Variants in ZNF75D observed in about 807,000 individuals in gnomAD.
The protein encoded by ZNF75D is zinc finger protein 75.
A neutral mutation model predicts 33.3 loss-of-function variants in ZNF75D; 33 were observed. That is an observed-to-expected ratio of 0.99 (90% CI 0.75 to 1.32). ZNF75D has a LOEUF of 1.32. Among genes scored for constraint, ZNF75D ranks in the 40% most tolerant of loss-of-function variants. The pLI is 0.00. For missense variants in ZNF75D, 338 were observed against 367.5 expected, an observed-to-expected ratio of 0.92 and a Z score of 0.66; for synonymous variants, 113 against 130.6, an observed-to-expected ratio of 0.87 and a Z score of 0.92.
chrX:135,286,867 C>T lies in ZNF75D; in HGVS notation c.*270G>A. 1 of 278,343 alleles carries T rather than the reference C, an allele frequency of 3.6e-6. No homozygotes were observed. The highest frequency in any genetic ancestry group is 6.2e-6 in the Non-Finnish European group (1 of 161,805). The allele number at this position is 278,343 out of a possible 1,213,427, so 22.9% of individuals were successfully genotyped here. ...CTGGGGGTGGGGAAGCTTTGAATAA[C>T]CAGATATATACATATAGATAGATAG... On this transcript the variant is annotated 3_prime_UTR_variant, in exon 7 of 7. Coordinates refer to ENST00000370766, the MANE Select transcript of ZNF75D (RefSeq NM_007131.5).
chrX:135,337,725 G>A (rs1037629147), intron 1 of ZNF75D, among the ~76,000 whole-genome samples: 27 of 110,889 alleles, frequency 2.4e-4, no homozygotes, highest in African/African-American at 8.9e-4. Flanking sequence ...CCAAGCAGTC[G>A]TCAAATGCTT....
rs182989996 is a variant in ZNF75D at position 135,257,937 on chromosome X, T to A, written n.828-2160A>T. 5.0e-3 allele frequency among the ~76,000 whole-genome samples: 539 copies of A among 108,867 alleles called. 2 individuals carry two copies. The highest frequency in any genetic ancestry group is 9.5e-3 in the Middle Eastern group (2 of 210). 94.5% of individuals were successfully genotyped at this position (108,867 alleles called of 115,157 possible). A position where few individuals can be genotyped will look rare whatever the true frequency, so the allele number is the denominator to read the frequency against. On this transcript the variant is annotated intron_variant and non_coding_transcript_variant, in intron 1 of 3. Coordinates refer to the ZNF75D transcript ENST00000494295. ...TCAACTCATCATTCACATTAGGTAT[T>A]TCTCCTAACGCTATTCCTCCCGGAG...
chrX:135,312,364 T>A (rs1556428760), intron 1 of ZNF75D, among the ~76,000 whole-genome samples: 1 of 111,486 alleles, frequency 9.0e-6, no homozygotes, highest in East Asian at 2.8e-4. Context: ...CATGGGTGTA[T>A]ATACACTACA....
chrX:135,333,757 T>C (rs781814102), intron 1 of ZNF75D, among the ~76,000 whole-genome samples: 7 of 111,596 alleles, frequency 6.3e-5, no homozygotes, highest in Admixed American at 1.9e-4. Context: ...TATTGGTGGA[T>C]CTTTACCTGG....
chrX:135,282,838 A>T (rs200737592), downstream of ZNF75D, among the ~76,000 whole-genome samples: 1 of 80,688 alleles, frequency 1.2e-5, no homozygotes, highest in Non-Finnish European at 2.5e-5. Flanking sequence ...ACCAGTCCCA[A>T]TGAGATGAGC....
chrX:135,308,036 C>T (rs1334659348), intron 1 of ZNF75D, among the ~76,000 whole-genome samples: 1 of 112,314 alleles, frequency 8.9e-6, no homozygotes, highest in Non-Finnish European at 1.9e-5. Context: ...GCTGAATGTC[C>T]CATCCAGGAA....
intron 1 of ZNF75D, among the ~76,000 whole-genome samples, chrX:135,256,511 C>G (rs2083801005): frequency 8.9e-6 from 1 of 112,154 alleles, no homozygotes; most frequent in Non-Finnish European, 1.9e-5. Flanking sequence ...AGCCTCGCCA[C>G]TGTGGGCAAA....
rs782271270 is a variant in ZNF75D at position 135,343,787 on chromosome X, G to A, written c.-2410C>T. 5 of 111,739 alleles carry A rather than the reference G, an allele frequency of 4.5e-5. No homozygotes were observed. In the East Asian group the frequency reaches 1.4e-3, roughly 32 times the overall value. The allele number at this position is 111,739 out of a possible 1,213,427, so 9.2% of individuals were successfully genotyped here. On this transcript the variant is annotated 5_prime_UTR_variant, in exon 1 of 7. Coordinates refer to ENST00000370766, the MANE Select transcript of ZNF75D (RefSeq NM_007131.5). ...GAGATGATGGCTTCAGCAGGAGTCCGGCGTGCTCCGGTTTCAAGTTCCAGC... is the reference window on the plus strand; with the variant it reads ...GAGATGATGGCTTCAGCAGGAGTCCAGCGTGCTCCGGTTTCAAGTTCCAGC...
At chrX:135,299,491 A>G (rs1556423992) in intron 1 of ZNF75D, among the ~76,000 whole-genome samples, 1 of 111,766 alleles carries the variant, frequency 8.9e-6, no homozygotes, top group East Asian at 2.8e-4. Flanking sequence ...GTCTTTTATT[A>G]TTGAGTTGTA....
At chrX:135,311,526 T>A (rs1438437923) in intron 1 of ZNF75D, among the ~76,000 whole-genome samples, 2 of 112,587 alleles carry the variant, frequency 1.8e-5, no homozygotes, top group East Asian at 5.5e-4. Flanking sequence ...TTACATTATA[T>A]GCTTATCATT....
At chrX:135,329,925 T>C (rs1556439744) in intron 1 of ZNF75D, among the ~76,000 whole-genome samples, 1 of 112,165 alleles carries the variant, frequency 8.9e-6, no homozygotes, top group Non-Finnish European at 1.9e-5. Flanking sequence ...TCTGCCACCA[T>C]TTTAATCTGT....
At chrX:135,322,386 T>G (rs140931370) in intron 1 of ZNF75D, among the ~76,000 whole-genome samples, 2,397 of 112,194 alleles carry the variant, frequency 0.021, 22 homozygotes, top group Non-Finnish European at 0.023. Flanking sequence ...CTTTCAACCT[T>G]GACATCAAAG....
rs1468351757 is a variant in ZNF75D, at chrX:135,249,101, C to T, written n.1497G>A. 1.5e-5 allele frequency: 5 copies of T among 324,140 alleles called. 1 individual carries two copies. Among genetic ancestry groups the T allele is most frequent in the Non-Finnish European group, 3.0e-5 (5 of 166,784 alleles). The allele number at this position is 324,140 out of a possible 1,213,427, so 26.7% of individuals were successfully genotyped here. On this transcript the variant is annotated non_coding_transcript_exon_variant, in exon 4 of 4. Coordinates refer to the ZNF75D transcript ENST00000494295. ...AGTGTCCACAGCCACTCTGTCAGAT[C>T]CGCATCGTTTCTATGATTCCCAAGC... is the stretch of plus-strand genomic sequence containing the variant.
intron 1 of ZNF75D, among the ~76,000 whole-genome samples, chrX:135,305,935 GA>G (rs1330503019): frequency 9.0e-6 from 1 of 111,618 alleles, no homozygotes; most frequent in Non-Finnish European, 1.9e-5. Context: ...TGCATTATGG[GA>G]AGGATTTATT....
chrX:135,332,553 T>C (rs1556440858), intron 1 of ZNF75D, among the ~76,000 whole-genome samples: 1 of 112,031 alleles, frequency 8.9e-6, no homozygotes, highest in Non-Finnish European at 1.9e-5. Context: ...ATCTTGATCT[T>C]GGACTGCCCA....
Position 135,249,470 on chromosome X carries a change from T to C in ZNF75D, n.1297-169A>G, listed in dbSNP as rs782441729. Among the ~76,000 whole-genome samples the C allele has an allele frequency of 4.6e-5, 5 of 107,848 alleles. No individual in the cohort carries two copies. The Admixed American group carries it at 4.9e-4, about 11-fold the overall frequency. The allele number at this position is 107,848 out of a possible 115,157, so 93.7% of individuals were successfully genotyped here. A position where few individuals can be genotyped will look rare whatever the true frequency, so the allele number is the denominator to read the frequency against. On this transcript the variant is annotated intron_variant and non_coding_transcript_variant, in intron 3 of 3. Coordinates refer to the ZNF75D transcript ENST00000494295. Reference sequence around the variant, plus strand: ...CTTGTGATTTTTAAATTTCTTTGAGTTTCACATATGCATGAGTATATTTCT... The same window carrying C: ...CTTGTGATTTTTAAATTTCTTTGAGCTTCACATATGCATGAGTATATTTCT...
intron 1 of ZNF75D, among the ~76,000 whole-genome samples, chrX:135,259,098 T>C (rs1182357821): frequency 8.9e-6 from 1 of 111,764 alleles, no homozygotes; most frequent in Non-Finnish European, 1.9e-5. Context: ...AAAGATCAGA[T>C]GGTTGTAAAT....
chrX:135,306,290 C>CACAT (rs2084285311), intron 1 of ZNF75D, among the ~76,000 whole-genome samples: 1 of 32,538 alleles, frequency 3.1e-5, no homozygotes, highest in Non-Finnish European at 8.1e-5. Context: ...GAGATACATA[C>CACAT]ACACACACAC....
At chrX:135,306,288 T>TACACACACACACACACACAC (rs57049630) in intron 1 of ZNF75D, among the ~76,000 whole-genome samples, 17 of 83,232 alleles carry the variant, frequency 2.0e-4, no homozygotes, top group South Asian at 6.8e-4. Context: ...CAGAGATACA[T>TACACACACACACACACACAC]ACACACACAC....
Sources: gnomAD v4.1 joint callset for allele counts (sites outside exome capture counted in the v4.1 genomes callset) on GRCh38, gnomAD v4.1.1 for gene constraint, MANE v1.5 for transcripts, NCBI Gene and HGNC (gene_info 2026-07-23, HGNC 2026-07-21) for gene names.